Variants in OSBPL10 observed in about 807,000 individuals in gnomAD.
OSBPL10 encodes the protein oxysterol-binding protein-related protein 10.
OSBPL10 carries 49 observed loss-of-function variants against 81.7 expected under a neutral mutation model. The observed-to-expected ratio is 0.60, with a 90% CI of 0.48 to 0.76. The LOEUF (loss-of-function observed/expected upper bound fraction) is 0.76. Among genes scored for constraint, OSBPL10 ranks in the 30% least tolerant of loss-of-function variants. OSBPL10 has a pLI of 0.00. For synonymous variants in OSBPL10, 419 were observed against 383.6 expected, an observed-to-expected ratio of 1.09 and a Z score of -1.08; for missense variants, 923 against 987.8, an observed-to-expected ratio of 0.93 and a Z score of 0.88.
At chr3:31,915,204 A>G (rs1696720105) in intron 1 of OSBPL10, among the ~76,000 whole-genome samples, 1 of 151,946 alleles carries the variant, frequency 6.6e-6, no homozygotes, top group African/African-American at 2.4e-5. Context: ...ACAGGGGGGA[A>G]AAAAAACCAT....
At chr3:31,980,817 A>G in intron 1 of OSBPL10, 82 bp downstream of exon 1, 1 of 1,417,090 alleles carries the variant, frequency 7.1e-7, no homozygotes, top group Middle Eastern at 2.5e-4. Flanking sequence ...ACACACATAC[A>G]CAGACACACA....
chr3:31,684,804 G>C (rs1395915151), intron 7 of OSBPL10, among the ~76,000 whole-genome samples: 2 of 152,216 alleles, frequency 1.3e-5, no homozygotes, highest in Non-Finnish European at 2.9e-5. Flanking sequence ...CCTCAAGGCT[G>C]GTCCAGGAGA....
intron 2 of OSBPL10, chr3:31,991,313 A>G (rs34434923): frequency 0.025 from 6,447 of 259,254 alleles, 187 homozygotes; most frequent in African/African-American, 0.093. Flanking sequence ...AGGGATTTTT[A>G]TGGGTATTGT....
intron 3 of OSBPL10, among the ~76,000 whole-genome samples, chr3:31,871,799 A>C (rs1460534426): frequency 6.6e-6 from 1 of 152,188 alleles, no homozygotes; most frequent in Admixed American, 6.5e-5. Context: ...TGGGAGGTCA[A>C]GGCTGTAGCA....
chr3:31,669,220 A>AC (rs2125508954), intron 9 of OSBPL10, among the ~76,000 whole-genome samples: 1 of 152,272 alleles, frequency 6.6e-6, no homozygotes, highest in Admixed American at 6.5e-5. Context: ...CCAAAATCTC[A>AC]CAAATCACGA....
chr3:31,734,565 C>G (rs1697090694), intron 5 of OSBPL10, among the ~76,000 whole-genome samples: 1 of 152,078 alleles, frequency 6.6e-6, no homozygotes. Context: ...AGGCGAAACC[C>G]TATCCCTACA....
chr3:31,825,967 C>T (rs1700091061), intron 4 of OSBPL10, among the ~76,000 whole-genome samples: 1 of 152,162 alleles, frequency 6.6e-6, no homozygotes, highest in Non-Finnish European at 1.5e-5. Context: ...CGACATGACT[C>T]TTATCTTAAA....
intron 4 of OSBPL10, among the ~76,000 whole-genome samples, chr3:31,756,680 G>C (rs77890753): frequency 0.018 from 2,747 of 152,296 alleles, 84 homozygotes; most frequent in African/African-American, 0.062. Context: ...GGGGGTAAAA[G>C]AGCAAGGATG....
intron 8 of OSBPL10, 76 bp from the exon 9 acceptor site, chr3:31,671,059 G>A (rs1700312331): frequency 1.6e-5 from 22 of 1,394,034 alleles, no homozygotes; most frequent in Non-Finnish European, 2.0e-5. Context: ...AAATGAAGAT[G>A]GGAAACCAAA....
intron 4 of OSBPL10, among the ~76,000 whole-genome samples, chr3:31,788,785 AAAT>A (rs1412592105): frequency 4.6e-5 from 7 of 152,160 alleles, no homozygotes; most frequent in Non-Finnish European, 8.8e-5. Flanking sequence ...CTCTAAAAAA[AAAT>A]AATAATAAAA....
chr3:31,907,274 A>T (rs146120167), intron 1 of OSBPL10, among the ~76,000 whole-genome samples: 2 of 152,188 alleles, frequency 1.3e-5, no homozygotes, highest in African/African-American at 4.8e-5. Context: ...TTGTCGTCTT[A>T]AAAATAGGGC....
intron 8 of OSBPL10, among the ~76,000 whole-genome samples, chr3:31,674,583 TTAGA>T (rs55696700): frequency 0.028 from 4,104 of 147,918 alleles, 75 homozygotes; most frequent in Middle Eastern, 0.048. Context: ...GATAGATAGA[TTAGA>T]TAGATAGATA....
intron 1 of OSBPL10, among the ~76,000 whole-genome samples, chr3:31,916,096 C>CAAAAAAAAA: frequency 1.2e-5 from 1 of 82,490 alleles, no homozygotes; most frequent in Non-Finnish European, 2.7e-5. Context: ...AACTCCGTCT[C>CAAAAAAAAA]AAAAAAAAAA....
chr3:31,853,070 T>C (rs1700809735), intron 3 of OSBPL10, among the ~76,000 whole-genome samples: 1 of 152,160 alleles, frequency 6.6e-6, no homozygotes, highest in Non-Finnish European at 1.5e-5. Context: ...AAAGAGTTTT[T>C]TAGTCCAAAG....
intron 3 of OSBPL10, among the ~76,000 whole-genome samples, chr3:31,836,364 A>G (rs1700357259): frequency 6.6e-6 from 1 of 152,002 alleles, no homozygotes; most frequent in Non-Finnish European, 1.5e-5. Context: ...GCCTGCTTCT[A>G]AACACACTGT....
At chr3:31,878,790 T>G (rs1213705260) in intron 2 of OSBPL10, among the ~76,000 whole-genome samples, 3 of 150,154 alleles carry the variant, frequency 2.0e-5, no homozygotes, top group African/African-American at 7.4e-5. Flanking sequence ...CAGGACTTGA[T>G]AAATAATATA....
chr3:31,708,115 A>G (rs1696131591), intron 6 of OSBPL10, among the ~76,000 whole-genome samples: 1 of 152,158 alleles, frequency 6.6e-6, no homozygotes, highest in African/African-American at 2.4e-5. Flanking sequence ...ATTTTTTATT[A>G]AATTAGAGAC....
At chr3:31,945,608 C>T (rs1474880172) in intron 1 of OSBPL10, among the ~76,000 whole-genome samples, 2 of 152,224 alleles carry the variant, frequency 1.3e-5, no homozygotes, top group South Asian at 2.1e-4. Flanking sequence ...ATTCACTACA[C>T]GGCAACCATA....
chr3:31,901,307 C>T (rs957208928), intron 1 of OSBPL10, among the ~76,000 whole-genome samples: 3 of 152,184 alleles, frequency 2.0e-5, no homozygotes, highest in African/African-American at 7.2e-5. Flanking sequence ...AGACAAAATC[C>T]AAAATCCTTA....
Sources: gnomAD v4.1 joint callset for allele counts (sites outside exome capture counted in the v4.1 genomes callset) on GRCh38, gnomAD v4.1.1 for gene constraint, MANE v1.5 for transcripts, NCBI Gene and HGNC (gene_info 2026-07-23, HGNC 2026-07-21) for gene names.